Variants in SMIM22 observed in about 807,000 individuals in gnomAD.
SMIM22 encodes cancer associated small integral membrane open reading frame 1.
In SMIM22, 16 loss-of-function variants were observed where a neutral mutation model predicts 8.4. The observed-to-expected ratio is 1.90, with a 90% CI of 1.29 to 2.89. The LOEUF (loss-of-function observed/expected upper bound fraction) is 2.89. Among genes scored for constraint, SMIM22 ranks in the 30% most tolerant of loss-of-function variants. The pLI, the probability that SMIM22 is intolerant of heterozygous loss-of-function variation, is 0.00. For missense variants in SMIM22, 159 were observed against 107.5 expected, an observed-to-expected ratio of 1.48 and a Z score of -2.12; for synonymous variants, 67 against 47.6, an observed-to-expected ratio of 1.41 and a Z score of -1.68.
chr16:4,790,647 G>A (rs2082537206), upstream of SMIM22, among the ~76,000 whole-genome samples: 1 of 152,194 alleles, frequency 6.6e-6, no homozygotes, highest in Admixed American at 6.5e-5. Flanking sequence ...AATTAGCTGG[G>A]CTTGGTGGCG....
upstream of SMIM22, among the ~76,000 whole-genome samples, chr16:4,793,290 G>C (rs1320588161): frequency 2.0e-5 from 3 of 152,078 alleles, no homozygotes; most frequent in Non-Finnish European, 4.4e-5. Flanking sequence ...ACACAGCCTG[G>C]TCGACCCATT....
intron 2 of SMIM22, among the ~76,000 whole-genome samples, chr16:4,789,372 C>T (rs1217017433): frequency 6.6e-6 from 1 of 151,422 alleles, no homozygotes; most frequent in Non-Finnish European, 1.5e-5. Context: ...GTCACCCAGG[C>T]TGGAGTTTAG....
rs973994714 is a variant in SMIM22 at position 4,796,236 on chromosome 16, G to A, written c.*5G>A. On this transcript the variant is annotated 3_prime_UTR_variant, in exon 4 of 4. Coordinates refer to ENST00000586005, the MANE Select transcript of SMIM22 (RefSeq NM_001253794.2). ...AACTTGGCCCTGGAACCCTGACCCT[G>A]TGTCTCCTGCCCGGTGGCAGTAACA... The A allele has an allele frequency of 2.0e-6, 3 of 1,535,632 alleles. No individual in the cohort carries two copies. The highest frequency in any genetic ancestry group is 1.4e-5 in the African/African-American group (1 of 73,028).
upstream of SMIM22, among the ~76,000 whole-genome samples, chr16:4,793,629 T>G (rs1282012403): frequency 6.6e-6 from 1 of 152,178 alleles, no homozygotes; most frequent in Non-Finnish European, 1.5e-5. Context: ...ATCCACAGGT[T>G]CCACATCTGT....
Position 4,796,361 on chromosome 16 carries a change from C to CCT in SMIM22, c.*134_*135dup. 9.9e-7 allele frequency: 1 copy of CCT among 1,014,730 alleles called. No homozygotes were observed. Among genetic ancestry groups the CCT allele is most frequent in the South Asian group, 1.6e-5 (1 of 63,138 alleles). 62.9% of individuals were successfully genotyped at this position (1,014,730 alleles called of 1,614,324 possible). A position where few individuals can be genotyped will look rare whatever the true frequency, so the allele number is the denominator to read the frequency against. ...CCGCCCCACTCAGGTGGCCACCTGG[C>CCT]CTCTCCAAGCCTTCAGTCAGCACGA... On this transcript the variant is annotated 3_prime_UTR_variant, in exon 4 of 4. Transcript: ENST00000586005.
At chr16:4,792,359 T>G (rs562586512), upstream of SMIM22, among the ~76,000 whole-genome samples, 2 of 151,292 alleles carry the variant, frequency 1.3e-5, no homozygotes, top group African/African-American at 4.8e-5. Context: ...CCCGGCTAAT[T>G]TTTTGTATTT....
chr16:4,793,992 G>A (rs1019334828), upstream of SMIM22, among the ~76,000 whole-genome samples: 1 of 152,160 alleles, frequency 6.6e-6, no homozygotes, highest in African/African-American at 2.4e-5. Flanking sequence ...CGGGTGTGCG[G>A]TGACATGATC....
At chr16:4,791,715 T>C (rs2082553752), upstream of SMIM22, among the ~76,000 whole-genome samples, 1 of 152,160 alleles carries the variant, frequency 6.6e-6, no homozygotes, top group African/African-American at 2.4e-5. Context: ...TGAGACACAG[T>C]CTCACTCTGT....
rs572954595 is a variant in SMIM22 at position 4,796,439 on chromosome 16, C to T, written c.*208C>T. The T allele has an allele frequency of 1.1e-3, 663 of 623,488 alleles. No individual in the cohort carries two copies. Among genetic ancestry groups the T allele is most frequent in the Non-Finnish European group, 1.5e-3 (552 of 361,844 alleles). 38.6% of individuals were successfully genotyped at this position (623,488 alleles called of 1,614,324 possible). On this transcript the variant is annotated 3_prime_UTR_variant, in exon 4 of 4. Transcript: ENST00000586005. ...GCTGGGAGGGGAGCTGGTCTCAGGC[C>T]GGGCGCGGTGGCTCACACCTATAAT...
At chr16:4,794,547 A>G (rs370938650), upstream of SMIM22, among the ~76,000 whole-genome samples, 4 of 151,550 alleles carry the variant, frequency 2.6e-5, no homozygotes, top group South Asian at 2.1e-4. Flanking sequence ...CAGCCTCCCT[A>G]GTAGCTGGGA....
At chr16:4,793,494 A>G (rs2082585581), upstream of SMIM22, among the ~76,000 whole-genome samples, 1 of 152,200 alleles carries the variant, frequency 6.6e-6, no homozygotes, top group African/African-American at 2.4e-5. Context: ...TAGGATTGCT[A>G]TGAGGAATAA....
chr16:4,793,715 T>C (rs936039199), upstream of SMIM22, among the ~76,000 whole-genome samples: 2 of 152,226 alleles, frequency 1.3e-5, no homozygotes, highest in African/African-American at 4.8e-5. Flanking sequence ...ACTTTTTTGC[T>C]TACTGTTCCC....
upstream of SMIM22, among the ~76,000 whole-genome samples, chr16:4,791,845 G>C (rs2082555773): frequency 6.6e-6 from 1 of 151,990 alleles, no homozygotes. Flanking sequence ...CAACCACCAC[G>C]CCCGGCTAAT....
At chr16:4,790,790 GTAAATAAA>G (rs574580783), upstream of SMIM22, among the ~76,000 whole-genome samples, 1 of 152,014 alleles carries the variant, frequency 6.6e-6, no homozygotes, top group Non-Finnish European at 1.5e-5. Flanking sequence ...CCCTAGCTCA[GTAAATAAA>G]TAAATAAATA....
chr16:4,789,842 C>G (rs1246562222), intron 2 of SMIM22: 3 of 152,166 alleles, frequency 2.0e-5, no homozygotes, highest in Non-Finnish European at 4.4e-5. Flanking sequence ...AAGGCTTAGG[C>G]ATTCCTGTGT....
upstream of SMIM22, among the ~76,000 whole-genome samples, chr16:4,794,558 T>C (rs187614326): frequency 3.1e-3 from 479 of 152,240 alleles, 1 homozygote; most frequent in African/African-American, 0.011. Flanking sequence ...GTAGCTGGGA[T>C]TACAGGAATG....
chr16:4,789,058 G>A (rs578125603), intron 2 of SMIM22, among the ~76,000 whole-genome samples: 2 of 152,156 alleles, frequency 1.3e-5, no homozygotes, highest in African/African-American at 2.4e-5. Context: ...TCGCTCTGTT[G>A]CCCTTGCTGG....
upstream of SMIM22, among the ~76,000 whole-genome samples, chr16:4,794,608 C>T (rs1042837420): frequency 6.6e-6 from 1 of 151,918 alleles, no homozygotes; most frequent in African/African-American, 2.4e-5. Flanking sequence ...TTAGTAGAGA[C>T]ATGGTTTCTC....
upstream of SMIM22, chr16:4,795,356 T>C (rs1209644596): frequency 1.8e-5 from 4 of 223,850 alleles, no homozygotes; most frequent in Non-Finnish European, 3.6e-5. Context: ...GCGGGGCTGG[T>C]TGCCAAGGCC....
Sources: allele counts gnomAD v4.1 joint callset (sites outside exome capture counted in the v4.1 genomes callset), GRCh38; gene constraint gnomAD v4.1.1; transcripts MANE v1.5; gene names NCBI Gene and HGNC (gene_info 2026-07-23, HGNC 2026-07-21).